Variants in FBXW11 observed in about 807,000 individuals in gnomAD.
FBXW11 encodes the protein F-box/WD repeat-containing protein 11.
FBXW11 carries 19 observed loss-of-function variants against 77.6 expected under a neutral mutation model. That is an observed-to-expected ratio of 0.24 (90% CI 0.17 to 0.36). The LOEUF is 0.36. Among genes scored for constraint, FBXW11 ranks in the 10% least tolerant of loss-of-function variants. The pLI, the probability that FBXW11 is intolerant of heterozygous loss-of-function variation, is 1.00. For missense variants in FBXW11, 334 were observed against 704.2 expected, an observed-to-expected ratio of 0.47 and a Z score of 5.95; for synonymous variants, 235 against 249.4, an observed-to-expected ratio of 0.94 and a Z score of 0.54.
intron 13 of FBXW11, among the ~76,000 whole-genome samples, chr5:171,864,955 T>C (rs1362333970): frequency 6.7e-6 from 1 of 149,812 alleles, no homozygotes; most frequent in Non-Finnish European, 1.5e-5. Context: ...TAAAGTCACC[T>C]TAGGTGGCAA....
intron 2 of FBXW11, among the ~76,000 whole-genome samples, chr5:171,919,117 C>T (rs1761429282): frequency 6.6e-6 from 1 of 152,114 alleles, no homozygotes; most frequent in African/African-American, 2.4e-5. Flanking sequence ...GGGCTACGTC[C>T]TGCTTGCCAT....
chr5:171,874,725 G>A (rs954840474), intron 9 of FBXW11, among the ~76,000 whole-genome samples: 2 of 147,750 alleles, frequency 1.4e-5, no homozygotes, highest in Non-Finnish European at 3.0e-5. Flanking sequence ...ACACAAGCCT[G>A]GGTGACAAAG....
Position 171,868,621 on chromosome 5 carries a change from G to GA in FBXW11, c.*13dup. 3.1e-6 allele frequency: 5 copies of GA among 1,609,386 alleles called. No homozygotes were observed. The highest frequency in any genetic ancestry group is 4.2e-6 in the Non-Finnish European group (5 of 1,178,298). On this transcript the variant is annotated 3_prime_UTR_variant, in exon 13 of 14. Transcript: ENST00000517395. ...AGGATAGTACTCACCTGAAACGGGT[G>GA]AAAGTGCAGACTGTTATCTAGAGAT... is the stretch of plus-strand genomic sequence containing the variant.
chr5:171,929,461 C>A (rs1309024181), intron 2 of FBXW11, among the ~76,000 whole-genome samples: 1 of 152,082 alleles, frequency 6.6e-6, no homozygotes, highest in South Asian at 2.1e-4. Context: ...ATAGTCAATG[C>A]AACAGAGCAA....
In FBXW11 at chr5:171,869,889, C is replaced by G; in HGVS notation, c.1452-82G>C. ...AACATTTCCTTGAAAAAAAGTAGTG[C>G]ATCTGAACTGCCTATTTATAAAAGC... On this transcript the variant is annotated intron_variant, in intron 11 of 13. Transcript: ENST00000517395. The surrounding 1 kb of genome is among the most constrained non-coding windows in gnomAD (Gnocchi z 4.1). 1.3e-6 allele frequency: 1 copy of G among 792,210 alleles called. No individual in the cohort carries two copies. Among genetic ancestry groups the G allele is most frequent in the East Asian group, 3.1e-5 (1 of 32,068 alleles). 49.1% of individuals were successfully genotyped at this position (792,210 alleles called of 1,614,324 possible).
intron 1 of FBXW11, among the ~76,000 whole-genome samples, chr5:171,981,203 T>C (rs897027735): frequency 6.6e-6 from 1 of 152,036 alleles, no homozygotes; most frequent in Non-Finnish European, 1.5e-5. Flanking sequence ...GGCAAACATA[T>C]GCCTCTACCA....
chr5:171,870,388 A>AACAC (rs10555447), intron 11 of FBXW11, among the ~76,000 whole-genome samples: 14 of 150,414 alleles, frequency 9.3e-5, no homozygotes, highest in Non-Finnish European at 1.8e-4. Context: ...TTGTTGAACG[A>AACAC]ACACACACAC....
chr5:171,930,178 G>A (rs1405130534), intron 2 of FBXW11, among the ~76,000 whole-genome samples: 1 of 152,208 alleles, frequency 6.6e-6, no homozygotes, highest in Non-Finnish European at 1.5e-5. Context: ...GTTGATTACA[G>A]ATAAAGAGGA....
chr5:171,876,566 TTATGGAGACAGCCAGGA>T lies in FBXW11; in HGVS notation c.972-49_972-33del. 6.2e-7 allele frequency: 1 copy of T among 1,604,192 alleles called. No individual in the cohort carries two copies. Among genetic ancestry groups the T allele is most frequent in the Middle Eastern group, 1.7e-4 (1 of 6,034 alleles). On this transcript the variant is annotated intron_variant, in intron 8 of 13. Coordinates refer to ENST00000517395, the MANE Select transcript of FBXW11 (RefSeq NM_001378974.1). This position sits in a 1 kb window ranked among gnomAD's most constrained non-coding sequence, Gnocchi z 4.2. ...GAGAAGAGAAAAGCATGATGCTTAA[TTATGGAGACAGCCAGGA>T]AATGATTCTGGTATCTGAGCTCTGT...
At chr5:171,938,325 A>C (rs2113147996) in intron 2 of FBXW11, among the ~76,000 whole-genome samples, 1 of 152,326 alleles carries the variant, frequency 6.6e-6, no homozygotes, top group South Asian at 2.1e-4. Flanking sequence ...AGCCTCCCAA[A>C]TCACTGCGGT....
intron 1 of FBXW11, among the ~76,000 whole-genome samples, chr5:171,988,078 T>A (rs1031157144): frequency 2.0e-5 from 3 of 151,904 alleles, no homozygotes; most frequent in Non-Finnish European, 4.4e-5. Context: ...GCTAACAGAG[T>A]CAGAAAAAAG....
At chr5:171,937,993 T>G (rs1439815103) in intron 2 of FBXW11, among the ~76,000 whole-genome samples, 1 of 152,134 alleles carries the variant, frequency 6.6e-6, no homozygotes, top group African/African-American at 2.4e-5. Flanking sequence ...CCCTAAAAAT[T>G]TCTTTAAATT....
At position 171,885,745 on chromosome 5, in the gene FBXW11, A is replaced by G. The variant is rs76197501; in HGVS notation, c.852+5722T>C. 5.2e-3 allele frequency among the ~76,000 whole-genome samples: 796 copies of G among 152,336 alleles called. 4 individuals are homozygous for G. The highest frequency in any genetic ancestry group is 0.015 in the African/African-American group (642 of 41,570). Reference sequence around the variant, plus strand: ...TCTGTGCACCTATTTCTTGACATGTACAATACTATCATAATTTGTAGTGAC... The same window carrying G: ...TCTGTGCACCTATTTCTTGACATGTGCAATACTATCATAATTTGTAGTGAC... On this transcript the variant is annotated intron_variant, in intron 7 of 13. Transcript: ENST00000517395.
In FBXW11 at chr5:171,876,098, C is replaced by T. The variant is rs1053155127; in HGVS notation, c.1221+187G>A. 7.2e-5 allele frequency among the ~76,000 whole-genome samples: 11 copies of T among 152,166 alleles called. No homozygotes were observed. The highest frequency in any genetic ancestry group is 2.4e-4 in the African/African-American group (10 of 41,408). On this transcript the variant is annotated intron_variant, in intron 9 of 13. Transcript: ENST00000517395. The surrounding 1 kb of genome is among the most constrained non-coding windows in gnomAD (Gnocchi z 4.2). ...CAGAAGACTGTTCTCTCTTCTGGAC[C>T]GATGGCTTTTCCTCCTACCTTGCCT...
At chr5:171,991,184 G>C (rs1271458074) in intron 1 of FBXW11, among the ~76,000 whole-genome samples, 1 of 152,086 alleles carries the variant, frequency 6.6e-6, no homozygotes, top group Non-Finnish European at 1.5e-5. Flanking sequence ...AATTTGTCGA[G>C]TATTGATTGA....
intron 2 of FBXW11, among the ~76,000 whole-genome samples, chr5:171,948,305 TATAG>T (rs1763125821): frequency 1.3e-5 from 2 of 150,352 alleles, no homozygotes; most frequent in African/African-American, 4.9e-5. Flanking sequence ...AAACAAAAAG[TATAG>T]ATAGATAAGC....
At chr5:171,967,763 C>T (rs1470805924) in intron 1 of FBXW11, among the ~76,000 whole-genome samples, 1 of 150,704 alleles carries the variant, frequency 6.6e-6, no homozygotes, top group Non-Finnish European at 1.5e-5. Context: ...CGCTTGAACC[C>T]GGGAGGCGGA....
At chr5:171,947,523 A>G (rs1195758440) in intron 2 of FBXW11, among the ~76,000 whole-genome samples, 4 of 151,756 alleles carry the variant, frequency 2.6e-5, no homozygotes, top group African/African-American at 4.8e-5. Context: ...CAACATAGGG[A>G]GGCCCCATCT....
chr5:171,909,870 C>A (rs943042793), intron 4 of FBXW11, among the ~76,000 whole-genome samples: 1 of 152,208 alleles, frequency 6.6e-6, no homozygotes, highest in South Asian at 2.1e-4. Flanking sequence ...ACTTCAGATA[C>A]AAATGAATGC....
Sources: allele counts gnomAD v4.1 joint callset (sites outside exome capture counted in the v4.1 genomes callset), GRCh38; gene constraint gnomAD v4.1.1; non-coding constraint Gnocchi (gnomAD v3.1); transcripts MANE v1.5; gene names NCBI Gene and HGNC (gene_info 2026-07-23, HGNC 2026-07-21).